The following NDST3 variants were observed in gnomAD, a reference collection of about 807,000 sequenced individuals.
NDST3 encodes bifunctional heparan sulfate N-deacetylase/N-sulfotransferase 3.
NDST3 carries 58 observed loss-of-function variants against 96.1 expected under a neutral mutation model. That is an observed-to-expected ratio of 0.60 (90% CI 0.49 to 0.75). The LOEUF is 0.75. Among genes scored for constraint, NDST3 ranks in the 30% least tolerant of loss-of-function variants. The pLI is 0.00. For synonymous variants in NDST3, 333 were observed against 359.7 expected, an observed-to-expected ratio of 0.93 and a Z score of 0.84; for missense variants, 788 against 1,034.2, an observed-to-expected ratio of 0.76 and a Z score of 3.27.
chr4:118,145,136 A>G (rs1733849909), intron 6 of NDST3, among the ~76,000 whole-genome samples: 1 of 152,198 alleles, frequency 6.6e-6, no homozygotes, highest in Non-Finnish European at 1.5e-5. Flanking sequence ...ATTTTCACAA[A>G]TGGAAGTATT....
chr4:118,070,630 T>C (rs1284253702), intron 2 of NDST3, among the ~76,000 whole-genome samples: 1 of 151,550 alleles, frequency 6.6e-6, no homozygotes, highest in Non-Finnish European at 1.5e-5. Context: ...CCCTCAATTC[T>C]GTAGACCTCA....
At chr4:118,154,713 T>G (rs982268115) in intron 6 of NDST3, among the ~76,000 whole-genome samples, 2 of 152,232 alleles carry the variant, frequency 1.3e-5, no homozygotes, top group African/African-American at 4.8e-5. Flanking sequence ...AAAGATTATT[T>G]AGTTCACTGC....
intron 6 of NDST3, among the ~76,000 whole-genome samples, chr4:118,182,109 A>G (rs17594054): frequency 0.11 from 17,318 of 152,114 alleles, 1,322 homozygotes; most frequent in South Asian, 0.2. Flanking sequence ...CTAGCTACAC[A>G]TGGGGTTCAA....
chr4:118,061,935 G>T (rs1455684531), intron 2 of NDST3, among the ~76,000 whole-genome samples: 2 of 152,158 alleles, frequency 1.3e-5, no homozygotes, highest in African/African-American at 4.8e-5. Flanking sequence ...ACAGAAAAAG[G>T]AAAGTGACAT....
In NDST3 at chr4:118,112,592, G is replaced by A. The variant is rs113056593; in HGVS notation, c.1070-2214G>A. Among the ~76,000 whole-genome samples, 7 of 152,300 alleles carry A rather than the reference G, an allele frequency of 4.6e-5. 1 individual carries two copies. The highest frequency in any genetic ancestry group is 1.4e-4 in the African/African-American group (6 of 41,570). On this transcript the variant is annotated intron_variant, in intron 3 of 13. Coordinates refer to ENST00000296499, the MANE Select transcript of NDST3 (RefSeq NM_004784.3). ...ATGTTAAGCAACAGGGGAGTATCTT[G>A]GTTAGAAGCAGAGATGTTTAAATGC...
Position 118,242,054 on chromosome 4 carries a change from T to C in NDST3, c.2304T>C (p.Asp768=), listed in dbSNP as rs747246824. The part of the protein sequence containing the change: ...YFPPFQLLII[D]GQQLRTDPAT... ...TGATAATTTAGTTGCTAATTATTGA[T>C]GGGCAACAACTAAGAACTGATCCTG... The change falls in exon 12 of 14, where the codon GAT becomes GAC. Residue 768 remains aspartate (D), a synonymous_variant. Transcript: ENST00000296499. The C allele has an allele frequency of 6.2e-7, 1 of 1,609,346 alleles. No homozygotes were observed. The highest frequency in any genetic ancestry group is 1.1e-5 in the South Asian group (1 of 90,308).
intron 3 of NDST3, among the ~76,000 whole-genome samples, chr4:118,109,069 G>T (rs951125581): frequency 2.6e-5 from 4 of 152,134 alleles, no homozygotes; most frequent in Non-Finnish European, 5.9e-5. Flanking sequence ...ATGTGCAGAG[G>T]TTTAGTTCAT....
At chr4:118,235,728 C>T (rs777298487) in intron 9 of NDST3, among the ~76,000 whole-genome samples, 1 of 152,174 alleles carries the variant, frequency 6.6e-6, no homozygotes, top group Non-Finnish European at 1.5e-5. Flanking sequence ...AAAGTTGGCA[C>T]TCTCCGTAAA....
At chr4:118,188,996 T>A (rs1231700324) in intron 6 of NDST3, among the ~76,000 whole-genome samples, 1 of 152,182 alleles carries the variant, frequency 6.6e-6, no homozygotes, top group Non-Finnish European at 1.5e-5. Flanking sequence ...TGAGATATAT[T>A]AGAATTTTAG....
chr4:118,134,297 C>T (rs538501506), intron 4 of NDST3, among the ~76,000 whole-genome samples: 22 of 152,270 alleles, frequency 1.4e-4, no homozygotes, highest in South Asian at 6.2e-4. Flanking sequence ...TCATATGCAG[C>T]GCTTGCGATC....
chr4:118,051,223 A>G (rs765762010), intron 1 of NDST3, among the ~76,000 whole-genome samples: 7 of 152,162 alleles, frequency 4.6e-5, no homozygotes, highest in Non-Finnish European at 8.8e-5. Flanking sequence ...AATTAACTCA[A>G]GGTAATTTGC....
intron 6 of NDST3, among the ~76,000 whole-genome samples, chr4:118,180,789 T>C (rs1048806447): frequency 2.0e-5 from 3 of 152,146 alleles, no homozygotes; most frequent in African/African-American, 7.2e-5. Flanking sequence ...TTTACAGTCA[T>C]CTTATTTTTC....
intron 2 of NDST3, among the ~76,000 whole-genome samples, chr4:118,058,231 A>G (rs1725590608): frequency 6.6e-6 from 1 of 152,026 alleles, no homozygotes; most frequent in South Asian, 2.1e-4. Context: ...CAAACTAATC[A>G]CTGCATGGAT....
intron 1 of NDST3, among the ~76,000 whole-genome samples, chr4:118,049,372 T>C (rs1724945853): frequency 6.6e-6 from 1 of 151,284 alleles, no homozygotes; most frequent in South Asian, 2.1e-4. Context: ...ATAACTAATA[T>C]TAAAGAAGAA....
chr4:118,175,861 G>C (rs1041071304), intron 6 of NDST3, among the ~76,000 whole-genome samples: 2 of 152,092 alleles, frequency 1.3e-5, no homozygotes, highest in Admixed American at 1.3e-4. Context: ...GTAAATGTGT[G>C]TTCTCAGTGT....
rs1740940712 is a variant in NDST3, at chr4:118,240,547, T to C, written c.2142T>C (p.Pro714=). 1.9e-6 allele frequency: 3 copies of C among 1,612,998 alleles called. No individual in the cohort carries two copies. Among genetic ancestry groups the C allele is most frequent in the Non-Finnish European group, 2.5e-6 (3 of 1,179,414 alleles). Residue 714 remains proline, a synonymous_variant, in exon 11 of 14, where the codon CCT becomes CCC. Transcript: ENST00000296499. ...WYQHQRSHED[P]AALKFSFYEV... is the part of the protein sequence containing the mutation. ...AGCATCAGCGATCACATGAAGACCCTGCAGCTCTGAAGTTTAGCTTCTACG... is the reference window on the plus strand; with the variant it reads ...AGCATCAGCGATCACATGAAGACCCCGCAGCTCTGAAGTTTAGCTTCTACG...
rs1221782982 is a variant in NDST3, at chr4:118,148,091, G to A, written c.1539+4407G>A. Among the ~76,000 whole-genome samples, 10 of 152,164 alleles carry A rather than the reference G, an allele frequency of 6.6e-5. 1 individual carries two copies. The highest frequency in any genetic ancestry group is 2.2e-4 in the African/African-American group (9 of 41,428). On this transcript the variant is annotated intron_variant, in intron 6 of 13. Coordinates refer to ENST00000296499, the MANE Select transcript of NDST3 (RefSeq NM_004784.3). The stretch of plus-strand genomic sequence containing the variant: ...AGGTGGGCAGATCATGAGGTCAGGA[G>A]ATCAAGACCATCCTGGCTAACACGG...
At chr4:118,203,529 C>A (rs1738233542) in intron 6 of NDST3, among the ~76,000 whole-genome samples, 1 of 152,120 alleles carries the variant, frequency 6.6e-6, no homozygotes, top group Non-Finnish European at 1.5e-5. Context: ...CTTCCTGATT[C>A]AGTCTTGGAA....
chr4:118,165,795 A>T (rs1337156092), intron 6 of NDST3, among the ~76,000 whole-genome samples: 1 of 152,052 alleles, frequency 6.6e-6, no homozygotes, highest in East Asian at 1.9e-4. Flanking sequence ...GAAATTAAAT[A>T]AAACACTCTT....
Sources: gnomAD v4.1 joint callset for allele counts (sites outside exome capture counted in the v4.1 genomes callset) on GRCh38, gnomAD v4.1.1 for gene constraint, MANE v1.5 for transcripts, NCBI Gene and HGNC (gene_info 2026-07-23, HGNC 2026-07-21) for gene names.